Variants in XPO1 observed in about 807,000 individuals in gnomAD.
The protein encoded by XPO1 is exportin-1.
A neutral mutation model predicts 133.3 loss-of-function variants in XPO1; 5 were observed. That is an observed-to-expected ratio of 0.04 (90% CI 0.02 to 0.08). The LOEUF (loss-of-function observed/expected upper bound fraction) is 0.08. Ranked by LOEUF, XPO1 falls within the 10% of genes least tolerant of loss-of-function variation. XPO1 has a pLI of 1.00. For missense variants in XPO1, 506 were observed against 1,267.5 expected (o/e 0.40, Z 9.12); for synonymous variants, 419 against 408.2 (o/e 1.03, Z -0.32).
chr2:61,507,490 T>C (rs1156261812), intron 4 of XPO1, among the ~76,000 whole-genome samples: 1 of 151,734 alleles, frequency 6.6e-6, no homozygotes, highest in African/African-American at 2.4e-5. Context: ...ATTCTACCCA[T>C]CACCCAGGAG....
intron 6 of XPO1, among the ~76,000 whole-genome samples, chr2:61,500,690 TGGG>T (rs1482776484): frequency 1.3e-5 from 2 of 151,508 alleles, no homozygotes; most frequent in Non-Finnish European, 2.9e-5. Flanking sequence ...TCTCAGCTAC[TGGG>T]GAGGCCAAGG....
At chr2:61,519,117 A>G (rs982125577) in intron 4 of XPO1, among the ~76,000 whole-genome samples, 1 of 151,982 alleles carries the variant, frequency 6.6e-6, no homozygotes, top group Non-Finnish European at 1.5e-5. Flanking sequence ...CGCCCGGCTA[A>G]TTTTTGTATT....
intron 2 of XPO1, among the ~76,000 whole-genome samples, chr2:61,529,427 G>T (rs1157647135): frequency 3.9e-5 from 6 of 152,150 alleles, no homozygotes. Flanking sequence ...GGTGGCCAAG[G>T]TGGGTGGATC....
rs527378060 is a variant in XPO1, at chr2:61,499,030, G to A, written c.591-117C>T. Reference sequence around the variant, plus strand: ...AGTACAGTGGCTCATGCCTGTAATCGCAGAACTTTGGGAGGCCATGGCAGA... The same window carrying A: ...AGTACAGTGGCTCATGCCTGTAATCACAGAACTTTGGGAGGCCATGGCAGA... On this transcript the variant is annotated intron_variant, in intron 7 of 24. Coordinates refer to ENST00000401558, the MANE Select transcript of XPO1 (RefSeq NM_003400.4). The A allele has an allele frequency of 2.8e-4, 342 of 1,206,678 alleles. 3 individuals carry two copies. The Admixed American group carries it at 7.0e-3, about 25-fold the overall frequency. The allele number at this position is 1,206,678 out of a possible 1,614,324, so 74.7% of individuals were successfully genotyped here.
intron 6 of XPO1, among the ~76,000 whole-genome samples, chr2:61,501,660 C>G (rs1309521699): frequency 6.8e-6 from 1 of 147,558 alleles, no homozygotes; most frequent in Non-Finnish European, 1.5e-5. Context: ...GTAGCAGAGG[C>G]TGCAGTGAGC....
Position 61,496,870 on chromosome 2 carries a change from T to C in XPO1, c.888+9A>G, listed in dbSNP as rs140857799. On this transcript the variant is annotated intron_variant, in intron 10 of 24. Coordinates refer to ENST00000401558, the MANE Select transcript of XPO1 (RefSeq NM_003400.4). ...TATTCAGCCAATTTTCAAGATAGTA[T>C]TATATTACCTGCTTTAGTTGCATCA... 1.4e-3 allele frequency: 2,216 copies of C among 1,577,470 alleles called. 35 individuals carry two copies. The African/African-American group carries it at 0.028, about 20-fold the overall frequency.
Position 61,478,330 on chromosome 2 carries a change from A to C in XPO1, c.*490T>G, listed in dbSNP as rs1319307504. On this transcript the variant is annotated 3_prime_UTR_variant, in exon 25 of 25. Transcript: ENST00000401558. ...ACTTTGTAATACATGTAGTCTAGACAAACGATTCAGTCCAAGAGGTGCTAA... is the reference window on the plus strand; with the variant it reads ...ACTTTGTAATACATGTAGTCTAGACCAACGATTCAGTCCAAGAGGTGCTAA... The C allele has an allele frequency of 4.3e-6, 1 of 235,170 alleles. No individual in the cohort carries two copies. Among genetic ancestry groups the C allele is most frequent in the East Asian group, 6.0e-5 (1 of 16,738 alleles). The allele number at this position is 235,170 out of a possible 1,614,324, so 14.6% of individuals were successfully genotyped here.
chr2:61,479,550 T>C (rs901850741), intron 24 of XPO1, among the ~76,000 whole-genome samples: 16 of 152,142 alleles, frequency 1.1e-4, no homozygotes, highest in African/African-American at 3.9e-4. Context: ...ATCTCATGCA[T>C]CCCATCCCCT....
At chr2:61,536,914 G>A (rs1220969180) in intron 1 of XPO1, 1 of 152,352 alleles carries the variant, frequency 6.6e-6, no homozygotes, top group East Asian at 1.9e-4. Flanking sequence ...CACTGTACAA[G>A]GCCAACAGTA....
chr2:61,525,366 T>A, intron 3 of XPO1: 14 of 990,130 alleles, frequency 1.4e-5, no homozygotes, highest in Non-Finnish European at 1.7e-5. Context: ...TGGAACATTA[T>A]GATTAATATC....
chr2:61,516,439 A>T (rs1436563879), intron 4 of XPO1, among the ~76,000 whole-genome samples: 1 of 150,766 alleles, frequency 6.6e-6, no homozygotes, highest in Non-Finnish European at 1.5e-5. Context: ...TTTGAGACTG[A>T]GTTTCGCTCT....
At chr2:61,479,041 T>C (rs1696195411) in intron 24 of XPO1, 75 bp from the exon 25 acceptor site, 1 of 1,537,776 alleles carries the variant, frequency 6.5e-7, no homozygotes, top group African/African-American at 1.4e-5. Context: ...GATGAGCAAT[T>C]TCCTTTTTAG....
intron 24 of XPO1, 99 bp downstream of exon 24, chr2:61,481,081 CCATTT>C: frequency 3.1e-6 from 2 of 653,240 alleles, no homozygotes; most frequent in Admixed American, 3.6e-5. Flanking sequence ...TCTTGAAACC[CCATTT>C]ATTTGGCATG....
chr2:61,503,884 A>C (rs1415993291), intron 4 of XPO1, among the ~76,000 whole-genome samples: 4 of 152,156 alleles, frequency 2.6e-5, no homozygotes, highest in African/African-American at 2.4e-5. Context: ...CTAACCCATA[A>C]AAATTTATTG....
intron 19 of XPO1, among the ~76,000 whole-genome samples, chr2:61,487,274 ACT>A (rs1181163253): frequency 2.0e-5 from 3 of 152,198 alleles, no homozygotes; most frequent in Non-Finnish European, 2.9e-5. Flanking sequence ...TATTATTCCC[ACT>A]GTGCTCCCGA....
chr2:61,485,584 G>T (rs1696653265), intron 20 of XPO1, 184 bp downstream of exon 20: 2 of 496,304 alleles, frequency 4.0e-6, no homozygotes, highest in Admixed American at 7.4e-5. Context: ...TATTGCCCAG[G>T]TTGGTTTCAA....
At chr2:61,483,777 G>T (rs1423367835) in intron 21 of XPO1, 160 bp downstream of exon 21, 22 of 748,428 alleles carry the variant, frequency 2.9e-5, no homozygotes, top group Non-Finnish European at 4.6e-5. Flanking sequence ...GGAGTGGAGT[G>T]GAACAGTTGA....
chr2:61,521,210 T>A (rs960674092), intron 4 of XPO1, among the ~76,000 whole-genome samples: 9 of 152,170 alleles, frequency 5.9e-5, no homozygotes, highest in Non-Finnish European at 1.3e-4. Context: ...GACACTGGCA[T>A]TAAAATCTCA....
intron 1 of XPO1, chr2:61,536,907 T>G (rs769719440): frequency 6.6e-6 from 1 of 152,368 alleles, no homozygotes; most frequent in East Asian, 1.9e-4. Context: ...CATCCTCCAC[T>G]GTACAAGGCC....
Sources: allele counts gnomAD v4.1 joint callset (sites outside exome capture counted in the v4.1 genomes callset), GRCh38; gene constraint gnomAD v4.1.1; transcripts MANE v1.5; gene names NCBI Gene and HGNC (gene_info 2026-07-23, HGNC 2026-07-21).